Variants in ABCA9 observed in about 807,000 individuals in gnomAD.
The protein encoded by ABCA9 is ATP binding cassette subfamily A member 9.
Under a neutral mutation model 205.3 loss-of-function variants are expected in ABCA9, and 183 were observed. The observed-to-expected ratio is 0.89, with a 90% confidence interval of 0.79 to 1.01. The LOEUF is 1.01. Among genes scored for constraint, ABCA9 ranks in the 50% least tolerant of loss-of-function variants. The pLI is 0.00. For synonymous variants in ABCA9, 651 were observed against 683.3 expected (o/e 0.95, Z 0.74); for missense variants, 1,805 against 1,912.4 (o/e 0.94, Z 1.05).
At chr17:69,043,737 C>A in intron 5 of ABCA9, 22 bp from the exon 6 acceptor site, 4 of 1,536,748 alleles carry the variant, frequency 2.6e-6, no homozygotes, top group Non-Finnish European at 2.6e-6. Flanking sequence ...TATCAATGAA[C>A]AAATTGTTAT....
intron 22 of ABCA9, 77 bp from the exon 23 acceptor site, chr17:69,012,160 CAAAT>C: frequency 2.0e-6 from 2 of 988,850 alleles, no homozygotes; most frequent in African/African-American, 3.3e-5. Flanking sequence ...CTAAATCACT[CAAAT>C]AAATGAATTG....
intron 25 of ABCA9, among the ~76,000 whole-genome samples, chr17:69,003,063 C>G (rs2144130976): frequency 6.6e-6 from 1 of 150,732 alleles, no homozygotes; most frequent in East Asian, 1.9e-4. Context: ...GGTCTTGACT[C>G]TTTATCCAGT....
At chr17:69,010,833 A>G (rs1421779166) in intron 23 of ABCA9, among the ~76,000 whole-genome samples, 1 of 152,222 alleles carries the variant, frequency 6.6e-6, no homozygotes, top group East Asian at 1.9e-4. Flanking sequence ...CGAAAATTTT[A>G]TGCTAGAGCA....
chr17:69,021,699 T>G, intron 18 of ABCA9, 43 bp downstream of exon 18: 1 of 1,282,494 alleles, frequency 7.8e-7, no homozygotes. Context: ...CTTCCTTCCT[T>G]TCTTTCTTTC....
At position 69,033,864 on chromosome 17, in the gene ABCA9, A is replaced by G. The variant is rs1382243240; in HGVS notation, c.1138T>C (p.Leu380=). Residue 380 remains leucine (L), a synonymous_variant, in exon 9 of 39, where the codon TTG becomes CTG. Transcript: ENST00000340001. ...GCATTAGAATTCACATCATAGTCCA[A>G]ATGTATAAGCTGAAAAAGAAAGATA... ...FTVGMAQLIH[L]DYDVNSNAHL... 1.3e-6 allele frequency: 2 copies of G among 1,595,898 alleles called. No homozygotes were observed. The highest frequency in any genetic ancestry group is 4.5e-5 in the East Asian group (2 of 44,608).
At chr17:69,041,927 T>G (rs2144441227) in intron 6 of ABCA9, among the ~76,000 whole-genome samples, 1 of 152,324 alleles carries the variant, frequency 6.6e-6, no homozygotes, top group East Asian at 1.9e-4. Context: ...TTTTTTCTAC[T>G]CAGTAATGTC....
chr17:69,013,846 C>T (rs960564731), intron 22 of ABCA9, among the ~76,000 whole-genome samples: 5 of 151,992 alleles, frequency 3.3e-5, no homozygotes, highest in Non-Finnish European at 5.9e-5. Flanking sequence ...ACTTTAGGAT[C>T]AAGTGGAATA....
intron 10 of ABCA9, among the ~76,000 whole-genome samples, chr17:69,030,895 G>A (rs774506580): frequency 5.9e-5 from 9 of 152,088 alleles, no homozygotes; most frequent in Non-Finnish European, 1.2e-4. Context: ...CTTCTATACT[G>A]AGAGGTGATT....
At chr17:69,031,895 A>G (rs1253063261) in intron 10 of ABCA9, among the ~76,000 whole-genome samples, 2 of 152,204 alleles carry the variant, frequency 1.3e-5, no homozygotes, top group Non-Finnish European at 2.9e-5. Context: ...GACGGTTGTT[A>G]CTATACCATG....
In ABCA9 at chr17:68,989,812, C is replaced by A; in HGVS notation, c.3955+1G>T. ...CTACTAATGGAACTACTGTTTCCAA[C>A]CTTTTTTAACACAAAAAGAGACATT... On this transcript the variant is annotated splice_donor_variant, in intron 30 of 38. Transcript: ENST00000340001. LOFTEE classifies it high-confidence loss of function. 4 of 1,545,708 alleles carry A rather than the reference C, an allele frequency of 2.6e-6. No individual in the cohort carries two copies. Among genetic ancestry groups the A allele is most frequent in the South Asian group, 1.1e-5 (1 of 88,724 alleles).
chr17:69,075,572 G>A, the ABCA9 span, among the ~76,000 whole-genome samples: 2 of 152,014 alleles, frequency 1.3e-5, no homozygotes, highest in African/African-American at 4.8e-5. Context: ...CTTTATTTCT[G>A]TGTTCTCTAT....
intron 3 of ABCA9, among the ~76,000 whole-genome samples, chr17:69,047,837 G>A (rs1179944392): frequency 9.9e-5 from 15 of 152,224 alleles, no homozygotes; most frequent in Middle Eastern, 3.4e-3. Context: ...CCCCACTTCA[G>A]TTGCATGAAT....
chr17:69,072,449 C>G, the ABCA9 span, among the ~76,000 whole-genome samples: 1 of 152,134 alleles, frequency 6.6e-6, no homozygotes, highest in African/African-American at 2.4e-5. Context: ...ATTCAACATT[C>G]TTAAAGAAAA....
chr17:69,043,544 T>G lies in ABCA9; in HGVS notation c.745A>C (p.Arg249=). Residue 249 remains arginine (R), a synonymous_variant, in exon 6 of 39, where the codon AGA becomes CGA. Transcript: ENST00000340001. Reference sequence around the variant, plus strand: ...GTCATCAATGACGTAATGTATTGTCTTTCTTGTGTAACATTGACTGATACA... The same window carrying G: ...GTCATCAATGACGTAATGTATTGTCGTTCTTGTGTAACATTGACTGATACA... ...YYVSVNVTQE[R]QYITSLMTMM... is the part of the protein sequence containing the mutation. The G allele has an allele frequency of 6.2e-7, 1 of 1,610,990 alleles. No individual in the cohort carries two copies. The highest frequency in any genetic ancestry group is 8.5e-7 in the Non-Finnish European group (1 of 1,178,804).
the ABCA9 span, among the ~76,000 whole-genome samples, chr17:69,073,146 T>C: frequency 6.6e-6 from 1 of 152,170 alleles, no homozygotes; most frequent in Non-Finnish European, 1.5e-5. Flanking sequence ...CACACAATAA[T>C]AGTGGCAGAC....
rs143440505 is a variant in ABCA9 at position 69,058,049 on chromosome 17, A to T, written c.-14+2817T>A. 5.3e-5 allele frequency among the ~76,000 whole-genome samples: 8 copies of T among 152,310 alleles called. No homozygotes were observed. In the East Asian group the frequency reaches 1.5e-3, roughly 29 times the overall value. On this transcript the variant is annotated intron_variant, in intron 1 of 38. Coordinates refer to ENST00000340001, the MANE Select transcript of ABCA9 (RefSeq NM_080283.4). The stretch of plus-strand genomic sequence containing the variant: ...TCTGAAAGTTGTAGAGCTTTAGTGA[A>T]CATGAACTATTTTAACTGATAAAGA...
At chr17:69,024,424 T>C (rs2070917505) in intron 16 of ABCA9, 71 bp from the exon 17 acceptor site, 1 of 1,371,902 alleles carries the variant, frequency 7.3e-7, no homozygotes, top group Non-Finnish European at 9.7e-7. Context: ...AATTATGTAG[T>C]ATGTGCTTGT....
intron 22 of ABCA9, among the ~76,000 whole-genome samples, chr17:69,013,066 CTGAATAGTACTCCATTG>C (rs1252159951): frequency 6.6e-6 from 1 of 152,152 alleles, no homozygotes. Flanking sequence ...CTTTTTATGG[CTGAATAGTACTCCATTG>C]TGTATATGTA....
chr17:69,033,053 A>G (rs1383188805), intron 9 of ABCA9: 6 of 152,268 alleles, frequency 3.9e-5, no homozygotes, highest in African/African-American at 1.4e-4. Context: ...TCATGCCTGT[A>G]ATTCCAGCAG....
Sources: gnomAD v4.1 joint callset for allele counts (sites outside exome capture counted in the v4.1 genomes callset) on GRCh38, gnomAD v4.1.1 for gene constraint, MANE v1.5 for transcripts, NCBI Gene and HGNC (gene_info 2026-07-23, HGNC 2026-07-21) for gene names.